MAST1: variants seen among roughly 807,000 people sequenced by gnomAD.
MAST1 encodes microtubule-associated serine/threonine-protein kinase 1.
MAST1 carries 40 observed loss-of-function variants against 124.6 expected under a neutral mutation model. The ratio of observed to expected loss-of-function variants is 0.32; its 90% confidence interval spans 0.25 to 0.42. MAST1 has a LOEUF of 0.42. Among genes scored for constraint, MAST1 ranks in the 10% least tolerant of loss-of-function variants. The pLI, the probability that MAST1 is intolerant of heterozygous loss-of-function variation, is 1.00. For synonymous variants in MAST1, 938 were observed against 939.4 expected (o/e 1.00, Z 0.03); for missense variants, 1,558 against 2,181.9 (o/e 0.71, Z 5.70).
chr19:12,841,022 C>A lies in MAST1; in HGVS notation c.204C>A (p.Phe68Leu). 2.0e-6 allele frequency: 3 copies of A among 1,468,040 alleles called. No homozygotes were observed. The highest frequency in any genetic ancestry group is 1.9e-6 in the Non-Finnish European group (2 of 1,046,292). 90.9% of individuals were successfully genotyped at this position (1,468,040 alleles called of 1,614,324 possible). A position where few individuals can be genotyped will look rare whatever the true frequency, so the allele number is the denominator to read the frequency against. ...GSSPLDSPRN[F>L]SPNTPAHFSF... ...GTCCCCTGGACAGCCCCCGAAACTT[C>A]TCCCCCAACACCCCCGCCCACTTCT... Residue 68 changes from phenylalanine to leucine, a missense_variant, in exon 3 of 26, where the codon TTC (phenylalanine) becomes TTA (leucine). By Grantham distance (22) the Phe-to-Leu change is conservative. Transcript: ENST00000251472. The surrounding 1 kb of genome is among the most constrained non-coding windows in gnomAD (Gnocchi z 4.3).
chr19:12,845,652 A>ATTT (rs1219927144), intron 4 of MAST1, among the ~76,000 whole-genome samples: 13 of 130,284 alleles, frequency 1.0e-4, no homozygotes, highest in African/African-American at 3.7e-4. Flanking sequence ...TGACCCAGCA[A>ATTT]TTTTTTTTTT....
rs746675133 is a variant in MAST1, at chr19:12,873,722, C to A, written c.3565C>A (p.Arg1189Ser). 2.5e-6 allele frequency: 4 copies of A among 1,602,202 alleles called. No homozygotes were observed. Among genetic ancestry groups the A allele is most frequent in the Non-Finnish European group, 3.4e-6 (4 of 1,179,128 alleles). The change falls in exon 26 of 26, where the codon CGC becomes AGC. Residue 1189 changes from arginine (R) to serine (S), a missense_variant. This residue lies in a region of MAST1 where 291 missense variants were observed against 475.8 expected (regional missense o/e 0.61). Transcript: ENST00000251472. ...TLHGLSPKLHRQYRSARCKSA... is the reference protein window; with the variant it reads ...TLHGLSPKLHSQYRSARCKSA... ...GCACGGACTGTCGCCAAAGCTCCAT[C>A]GCCAGTACCGCTCTGCGCGATGCAA...
intron 4 of MAST1, among the ~76,000 whole-genome samples, chr19:12,846,105 G>A (rs893546091): frequency 6.6e-6 from 1 of 152,152 alleles, no homozygotes; most frequent in Non-Finnish European, 1.5e-5. Flanking sequence ...AGAAGGCAGA[G>A]GGGGGAAGAT....
intron 4 of MAST1, among the ~76,000 whole-genome samples, chr19:12,844,560 G>A (rs1318070766): frequency 1.3e-5 from 2 of 152,170 alleles, no homozygotes; most frequent in South Asian, 4.1e-4. Context: ...GTCAAGGAAG[G>A]CTTCCTGGAG....
Position 12,864,864 on chromosome 19 carries a change from C to T in MAST1, c.1422C>T (p.Ala474=), listed in dbSNP as rs754378278. The change falls in exon 13 of 26, where the codon GCC becomes GCT. Residue 474 remains alanine (A), a synonymous_variant. Coordinates refer to ENST00000251472, the MANE Select transcript of MAST1 (RefSeq NM_014975.3). ...KNIGALPVEM[A]RMYFAETVLA... ...TTGGAGCGCTGCCCGTAGAGATGGC[C>T]CGCATGTACTTTGCTGAGACGGTGC... 1 of 1,614,104 alleles carries T rather than the reference C, an allele frequency of 6.2e-7. No homozygotes were observed. Among genetic ancestry groups the T allele is most frequent in the Admixed American group, 1.7e-5 (1 of 60,010 alleles).
In MAST1 at chr19:12,866,718, G is replaced by A. The variant is rs1465676806; in HGVS notation, c.2095G>A (p.Val699Met). ...DEDDTTEEEP[V>M]EIRQFSSCSP... ...GGATGACACGACGGAGGAGGAGCCCGTGGAAATCCGCCAGTTCTCTTCCTG... is the reference window on the plus strand; with the variant it reads ...GGATGACACGACGGAGGAGGAGCCCATGGAAATCCGCCAGTTCTCTTCCTG... Residue 699 changes from valine to methionine, a missense_variant, in exon 18 of 26, where the codon GTG becomes ATG. Physicochemically the swap from Val to Met is conservative, Grantham distance 21. Coordinates refer to ENST00000251472, the MANE Select transcript of MAST1 (RefSeq NM_014975.3). The surrounding 1 kb of genome is among the most constrained non-coding windows in gnomAD (Gnocchi z 5.2). 3.1e-6 allele frequency: 5 copies of A among 1,613,818 alleles called. No individual in the cohort carries two copies. Among genetic ancestry groups the A allele is most frequent in the Admixed American group, 1.7e-5 (1 of 59,978 alleles).
chr19:12,858,006 CAAAAAAAAAA>C (rs539497049), intron 10 of MAST1, among the ~76,000 whole-genome samples: 4,801 of 49,160 alleles, frequency 0.098, 235 homozygotes, highest in African/African-American at 0.22. Context: ...GAACCTATCT[CAAAAAAAAAA>C]AAAAAAAAAA....
intron 4 of MAST1, among the ~76,000 whole-genome samples, chr19:12,845,638 C>A (rs1969884414): frequency 1.3e-5 from 2 of 150,820 alleles, no homozygotes; most frequent in African/African-American, 4.9e-5. Flanking sequence ...GTGGCTCATG[C>A]CTGTGACCCA....
chr19:12,863,158 C>CAAAAAA (rs749539925), intron 12 of MAST1, among the ~76,000 whole-genome samples: 6 of 44,092 alleles, frequency 1.4e-4, no homozygotes, highest in Middle Eastern at 0.014. Flanking sequence ...GACTCTGACT[C>CAAAAAA]AAAAAAAAAA....
chr19:12,856,471 T>G (rs1204671629), intron 10 of MAST1, among the ~76,000 whole-genome samples: 1 of 151,776 alleles, frequency 6.6e-6, no homozygotes, highest in African/African-American at 2.4e-5. Flanking sequence ...CCTGGCTAAG[T>G]TTTTGTATTT....
rs773711736 is a variant in MAST1, at chr19:12,867,836, G to A, written c.2425G>A (p.Ala809Thr). ...SALLEPSRFS[A>T]PQEDEDEARL... is the part of the protein sequence containing the mutation. ...GCTGCTGGAGCCCAGCCGCTTCAGC[G>A]CCCCCCAAGAGGACGAGGATGAGGC... Residue 809 changes from alanine to threonine, a missense_variant, in exon 20 of 26, where the codon GCC becomes ACC. Around this residue, in one of 10 missense-constraint regions of MAST1, gnomAD observed 287 missense variants for 308.0 expected, o/e 0.93. Coordinates refer to ENST00000251472, the MANE Select transcript of MAST1 (RefSeq NM_014975.3). 1.2e-6 allele frequency: 2 copies of A among 1,600,814 alleles called. No individual in the cohort carries two copies. Among genetic ancestry groups the A allele is most frequent in the South Asian group, 1.1e-5 (1 of 89,900 alleles).
chr19:12,862,159 C>T (rs1199605369), intron 12 of MAST1, among the ~76,000 whole-genome samples: 1 of 152,004 alleles, frequency 6.6e-6, no homozygotes, highest in African/African-American at 2.4e-5. Flanking sequence ...CGTGTGCCAC[C>T]ACATCTGGCA....
chr19:12,859,049 G>A (rs1568411557), intron 12 of MAST1: 2 of 437,098 alleles, frequency 4.6e-6, no homozygotes, highest in Admixed American at 4.1e-5. Flanking sequence ...CCATGAACCT[G>A]TTTTTATTTA....
chr19:12,851,797 A>G (rs1969962875), intron 7 of MAST1, 137 bp from the exon 8 acceptor site: 5 of 658,384 alleles, frequency 7.6e-6, no homozygotes, highest in Non-Finnish European at 1.3e-5. Flanking sequence ...CATTATTTTT[A>G]CTGTGTGGCT....
At position 12,847,730 on chromosome 19, in the gene MAST1, T is replaced by C. The variant is rs756012814; in HGVS notation, c.564+43T>C. ...GCGGTCACGGGGTGACCAGGCGGCCTGCACTCTCGCTCGCCTTATCCCCGC... is the reference window on the plus strand; with the variant it reads ...GCGGTCACGGGGTGACCAGGCGGCCCGCACTCTCGCTCGCCTTATCCCCGC... On this transcript the variant is annotated intron_variant, in intron 6 of 25. Coordinates refer to ENST00000251472, the MANE Select transcript of MAST1 (RefSeq NM_014975.3). This position sits in a 1 kb window ranked among gnomAD's most constrained non-coding sequence, Gnocchi z 5.5. 1.9e-6 allele frequency: 3 copies of C among 1,604,306 alleles called. No individual in the cohort carries two copies. The African/African-American group carries it at 4.0e-5, about 21-fold the overall frequency.
rs748290811 is a variant in MAST1, at chr19:12,852,014, T to C, written c.855T>C (p.Pro285=). The C allele has an allele frequency of 3.1e-6, 5 of 1,613,894 alleles. No individual in the cohort carries two copies. The highest frequency in any genetic ancestry group is 4.2e-6 in the Non-Finnish European group (5 of 1,180,016). ...VKKLLIIISR[P]ARLLECLEFN... ...AGTTGCTTATTATCATCTCACGCCCTGCGAGGCTGCTGGAGTGCCTGGTGA... is the reference window on the plus strand; with the variant it reads ...AGTTGCTTATTATCATCTCACGCCCCGCGAGGCTGCTGGAGTGCCTGGTGA... Residue 285 remains proline (P), a synonymous_variant, in exon 8 of 26, where the codon CCT becomes CCC. Transcript: ENST00000251472.
At chr19:12,844,574 G>A (rs555986819) in intron 4 of MAST1, among the ~76,000 whole-genome samples, 10 of 152,278 alleles carry the variant, frequency 6.6e-5, no homozygotes, top group African/African-American at 2.4e-4. Flanking sequence ...CCTGGAGGAG[G>A]TGACATTGAA....
In MAST1 at chr19:12,867,798, G is replaced by A; in HGVS notation, c.2387G>A (p.Arg796His). ...GCCAGTCCCCCTTTGGGCGCCCGCC[G>A]CCGTTTCTCGGCGCTGCTGGAGCCC... ...GEASPPLGAR[R>H]RFSALLEPSR... is the part of the protein sequence containing the mutation. The change falls in exon 20 of 26, where the codon CGC (arginine) becomes CAC (histidine). Residue 796 changes from arginine (R) to histidine (H), a missense_variant. Arg to His is a conservative substitution (Grantham distance 29, BLOSUM62 0). Around this residue, in one of 10 missense-constraint regions of MAST1, gnomAD observed 287 missense variants for 308.0 expected, o/e 0.93. Transcript: ENST00000251472. 1.3e-6 allele frequency: 2 copies of A among 1,573,040 alleles called. No homozygotes were observed. Among genetic ancestry groups the A allele is most frequent in the Non-Finnish European group, 8.6e-7 (1 of 1,161,052 alleles).
intron 12 of MAST1, among the ~76,000 whole-genome samples, chr19:12,862,492 A>G (rs1387615180): frequency 1.3e-5 from 2 of 152,166 alleles, no homozygotes; most frequent in East Asian, 1.9e-4. Context: ...ATATGATCAG[A>G]TTTATGTTTT....
Sources: gnomAD v4.1 joint callset for allele counts (sites outside exome capture counted in the v4.1 genomes callset) on GRCh38, gnomAD v4.1.1 for gene constraint, gnomAD v4.1.1 regional missense constraint, Gnocchi (gnomAD v3.1) non-coding constraint, MANE v1.5 for transcripts, NCBI Gene and HGNC (gene_info 2026-07-23, HGNC 2026-07-21) for gene names.